Variants in TRPM3 observed in about 807,000 individuals in gnomAD.
The protein encoded by TRPM3 is long transient receptor potential channel 3.
Under a neutral mutation model 181.2 loss-of-function variants are expected in TRPM3, and 77 were observed. The observed-to-expected ratio is 0.42, with a 90% CI of 0.35 to 0.51. TRPM3 has a LOEUF of 0.51. Ranked by LOEUF, TRPM3 falls within the 20% of genes least tolerant of loss-of-function variation. The pLI is 0.01. For synonymous variants in TRPM3, 745 were observed against 796.4 expected (o/e 0.94, Z 1.09); for missense variants, 1,759 against 2,196.7 (o/e 0.80, Z 3.98).
chr9:70,855,771 T>C (rs1480043317), intron 3 of TRPM3, among the ~76,000 whole-genome samples: 4 of 152,206 alleles, frequency 2.6e-5, no homozygotes, highest in Non-Finnish European at 5.9e-5. Flanking sequence ...AGAGAATATG[T>C]CGCTTGAGAC....
At chr9:70,684,999 A>AT (rs1016958070) in intron 8 of TRPM3, among the ~76,000 whole-genome samples, 1 of 152,170 alleles carries the variant, frequency 6.6e-6, no homozygotes, top group African/African-American at 2.4e-5. Context: ...GTGCCGGACC[A>AT]TTTTTATGGA....
At chr9:71,264,433 G>T (rs1446255364) in intron 1 of TRPM3, among the ~76,000 whole-genome samples, 1 of 152,088 alleles carries the variant, frequency 6.6e-6, no homozygotes, top group African/African-American at 2.4e-5. Flanking sequence ...ATTAAAGCTG[G>T]GGGAAGGGAG....
intron 9 of TRPM3, among the ~76,000 whole-genome samples, chr9:70,653,517 C>T (rs2059861649): frequency 6.6e-6 from 1 of 151,518 alleles, no homozygotes; most frequent in African/African-American, 2.4e-5. Context: ...TTGACCAACT[C>T]CACTTAACTT....
chr9:71,251,392 A>G (rs1405265695), intron 1 of TRPM3, among the ~76,000 whole-genome samples: 2 of 152,136 alleles, frequency 1.3e-5, no homozygotes, highest in Non-Finnish European at 2.9e-5. Context: ...ACAAGACTAA[A>G]TGCTTATATC....
At chr9:71,146,067 T>G (rs575470195) in intron 1 of TRPM3, among the ~76,000 whole-genome samples, 2 of 152,328 alleles carry the variant, frequency 1.3e-5, no homozygotes, top group South Asian at 4.1e-4. Context: ...AGATCAATTT[T>G]CCATTTACAG....
intron 12 of TRPM3, among the ~76,000 whole-genome samples, chr9:70,628,506 T>C (rs1166832675): frequency 6.6e-6 from 1 of 152,124 alleles, no homozygotes; most frequent in Admixed American, 6.5e-5. Context: ...ATCTATAAAT[T>C]TGTGCCTAGT....
intron 22 of TRPM3, among the ~76,000 whole-genome samples, chr9:70,561,819 C>T (rs1019066234): frequency 1.3e-4 from 20 of 152,152 alleles, no homozygotes; most frequent in Non-Finnish European, 1.8e-4. Flanking sequence ...GGCTTTAGGA[C>T]ACACAAGCAG....
In TRPM3 at chr9:70,640,612, T is replaced by C. The variant is rs1417694695; in HGVS notation, c.1394A>G (p.Asn465Ser). The change falls in exon 10 of 26, where the codon AAC (asparagine) becomes AGC (serine). Residue 465 changes from asparagine (N) to serine (S), a missense_variant. Physicochemically the swap from Asn to Ser is conservative, Grantham distance 46. Transcript: ENST00000677713. ...PDQLSLALAW[N>S]RVDIARSQIF... ...CTGGCTGCGAGCGATGTCGACTCTG[T>C]TCCAGGCTAAAGCTAAGCTCAGTTG... 6.2e-7 allele frequency: 1 copy of C among 1,613,816 alleles called. No individual in the cohort carries two copies. The highest frequency in any genetic ancestry group is 8.5e-7 in the Non-Finnish European group (1 of 1,179,836).
chr9:71,282,867 G>A (rs1442133703), intron 1 of TRPM3, among the ~76,000 whole-genome samples: 1 of 152,030 alleles, frequency 6.6e-6, no homozygotes, highest in Non-Finnish European at 1.5e-5. Flanking sequence ...AGCTTTACCA[G>A]CTACCTTGAA....
intron 5 of TRPM3, among the ~76,000 whole-genome samples, chr9:70,831,898 C>G (rs1033113932): frequency 6.9e-6 from 1 of 145,966 alleles, no homozygotes. Flanking sequence ...ATGACTACCC[C>G]ATTCTCCAGG....
chr9:71,275,649 C>T (rs891996636), intron 1 of TRPM3, among the ~76,000 whole-genome samples: 3 of 152,006 alleles, frequency 2.0e-5, no homozygotes, highest in African/African-American at 7.3e-5. Flanking sequence ...GACTTGACTA[C>T]CAGATAGCAA....
intron 1 of TRPM3, among the ~76,000 whole-genome samples, chr9:71,235,612 A>G (rs1281743831): frequency 2.0e-5 from 3 of 152,224 alleles, no homozygotes; most frequent in Non-Finnish European, 4.4e-5. Flanking sequence ...CTGATCACTA[A>G]TAGGATACAT....
intron 1 of TRPM3, among the ~76,000 whole-genome samples, chr9:71,320,884 A>C (rs143946168): frequency 5.3e-5 from 8 of 151,944 alleles, no homozygotes; most frequent in African/African-American, 1.9e-4. Flanking sequence ...CAATTCCCCT[A>C]TCTCAGTGAA....
At chr9:70,996,219 A>T (rs946531963) in intron 1 of TRPM3, among the ~76,000 whole-genome samples, 1 of 152,178 alleles carries the variant, frequency 6.6e-6, no homozygotes, top group African/African-American at 2.4e-5. Context: ...AATTCTGCAG[A>T]TTATATAAAG....
chr9:71,112,022 A>G (rs1393034650), intron 1 of TRPM3, among the ~76,000 whole-genome samples: 1 of 152,218 alleles, frequency 6.6e-6, no homozygotes, highest in African/African-American at 2.4e-5. Context: ...TATGACTAAC[A>G]GAAAAATAAA....
chr9:71,446,934 T>A (rs1036008463), upstream of TRPM3: 5 of 1,255,160 alleles, frequency 4.0e-6, no homozygotes, highest in South Asian at 6.8e-5. Context: ...CGGCTCTCGG[T>A]TGGCGCTGCC....
At chr9:71,272,835 G>A (rs112170792) in intron 1 of TRPM3, among the ~76,000 whole-genome samples, 107 of 151,526 alleles carry the variant, frequency 7.1e-4, no homozygotes, top group African/African-American at 2.5e-3. Flanking sequence ...ATCTAAAAAT[G>A]TGCATGAATT....
intron 1 of TRPM3, among the ~76,000 whole-genome samples, chr9:71,231,966 G>A (rs1351177896): frequency 1.3e-5 from 2 of 152,116 alleles, no homozygotes; most frequent in Non-Finnish European, 2.9e-5. Flanking sequence ...TAAAAATCAG[G>A]TTATTTAAAT....
intron 1 of TRPM3, among the ~76,000 whole-genome samples, chr9:71,298,056 G>T (rs937779552): frequency 1.3e-4 from 19 of 151,912 alleles, no homozygotes; most frequent in South Asian, 2.1e-4. Flanking sequence ...CTGTGGGAAG[G>T]TGAGTAGTCC....
Sources: allele counts gnomAD v4.1 joint callset (sites outside exome capture counted in the v4.1 genomes callset), GRCh38; gene constraint gnomAD v4.1.1; transcripts MANE v1.5; gene names NCBI Gene and HGNC (gene_info 2026-07-23, HGNC 2026-07-21).